Variants in SGCZ observed in about 807,000 individuals in gnomAD.
SGCZ encodes the protein sarcoglycan zeta.
Under a neutral mutation model 41.3 loss-of-function variants are expected in SGCZ, and 40 were observed. The ratio of observed to expected loss-of-function variants is 0.97; its 90% confidence interval spans 0.75 to 1.26. The LOEUF (loss-of-function observed/expected upper bound fraction) is 1.26. SGCZ is among the 50% of genes most tolerant of loss of function. SGCZ has a pLI of 0.00. For synonymous variants in SGCZ, 206 were observed against 137.5 expected (o/e 1.50, Z -3.49); for missense variants, 552 against 369.8 (o/e 1.49, Z -4.04).
rs542202061 is a variant in SGCZ, at chr8:15,170,463, C to G, written c.39+67122G>C. On this transcript the variant is annotated intron_variant, in intron 1 of 7. Coordinates refer to ENST00000382080, the MANE Select transcript of SGCZ (RefSeq NM_139167.4). ...CAACTTTCCACCCCTGCTTAGAGAC[C>G]AGCTTTCCACCTCTCAGAGACCATT... is the stretch of plus-strand genomic sequence containing the variant. Among the ~76,000 whole-genome samples the G allele has an allele frequency of 1.4e-3, 208 of 152,232 alleles. 1 individual carries two copies. Among genetic ancestry groups the G allele is most frequent in the African/African-American group, 4.7e-3 (195 of 41,536 alleles).
chr8:14,666,205 A>T (rs928067862), intron 1 of SGCZ, among the ~76,000 whole-genome samples: 1 of 152,192 alleles, frequency 6.6e-6, no homozygotes, highest in African/African-American at 2.4e-5. Context: ...CTCATGAAGC[A>T]TCCTATTACT....
chr8:14,711,482 G>A (rs1809513877), intron 1 of SGCZ, among the ~76,000 whole-genome samples: 1 of 148,882 alleles, frequency 6.7e-6, no homozygotes. Context: ...CATGCCTGTA[G>A]TCCCAGCTAC....
chr8:14,100,796 T>TATTAA (rs1303331223), intron 7 of SGCZ, among the ~76,000 whole-genome samples: 4 of 151,866 alleles, frequency 2.6e-5, no homozygotes, highest in African/African-American at 4.8e-5. Context: ...CTTTTGCCTG[T>TATTAA]ATTAAATTAT....
At chr8:14,368,150 G>T (rs1263254121) in intron 2 of SGCZ, among the ~76,000 whole-genome samples, 1 of 151,780 alleles carries the variant, frequency 6.6e-6, no homozygotes, top group Non-Finnish European at 1.5e-5. Flanking sequence ...GCTTCTAAAT[G>T]GTTCTTTCAA....
At chr8:14,833,351 A>G (rs1317563535) in intron 1 of SGCZ, among the ~76,000 whole-genome samples, 1 of 152,112 alleles carries the variant, frequency 6.6e-6, no homozygotes, top group East Asian at 1.9e-4. Context: ...GCGCACTGAA[A>G]TTCACATTTT....
chr8:14,502,575 T>C (rs1423894572), intron 2 of SGCZ, among the ~76,000 whole-genome samples: 1 of 151,772 alleles, frequency 6.6e-6, no homozygotes, highest in East Asian at 1.9e-4. Flanking sequence ...AGGGCTAATA[T>C]ACAGAATCTA....
At chr8:14,830,707 G>A (rs1322675366) in intron 1 of SGCZ, among the ~76,000 whole-genome samples, 1 of 152,026 alleles carries the variant, frequency 6.6e-6, no homozygotes, top group Non-Finnish European at 1.5e-5. Flanking sequence ...TGATTTATAT[G>A]TCATTATATT....
chr8:14,267,559 T>A (rs1287969721), intron 3 of SGCZ, among the ~76,000 whole-genome samples: 2 of 152,104 alleles, frequency 1.3e-5, no homozygotes, highest in Non-Finnish European at 2.9e-5. Context: ...AGTCTCATGA[T>A]GCTATTATGC....
At chr8:14,768,820 C>T (rs997602027) in intron 1 of SGCZ, among the ~76,000 whole-genome samples, 3 of 151,916 alleles carry the variant, frequency 2.0e-5, no homozygotes, top group South Asian at 2.1e-4. Flanking sequence ...CCATTTTAAC[C>T]ACTGTTCATG....
intron 1 of SGCZ, among the ~76,000 whole-genome samples, chr8:14,702,762 TAGATAGATAGATAGATAGAC>T (rs769572701): frequency 7.2e-4 from 98 of 136,786 alleles, no homozygotes; most frequent in South Asian, 1.0e-3. Flanking sequence ...GATAGATAGA[TAGATAGATAGATAGATAGAC>T]AGACAGACAG....
intron 1 of SGCZ, among the ~76,000 whole-genome samples, chr8:15,219,577 C>T (rs1055151572): frequency 6.6e-6 from 1 of 152,098 alleles, no homozygotes; most frequent in Admixed American, 6.5e-5. Flanking sequence ...GGATGCAGTA[C>T]ACTGTTCGTA....
chr8:14,088,500 T>A lies in SGCZ; in HGVS notation c.*1943A>T, dbSNP rs1269502253. On this transcript the variant is annotated 3_prime_UTR_variant, in exon 8 of 8. Coordinates refer to ENST00000382080, the MANE Select transcript of SGCZ (RefSeq NM_139167.4). ...ACATAATTTCTCAATATTTCTTGTA[T>A]TATACTTTATTTTGCAAAGACCAAT... is the stretch of plus-strand genomic sequence containing the variant. 1.3e-5 allele frequency among the ~76,000 whole-genome samples: 2 copies of A among 151,860 alleles called. No individual in the cohort carries two copies. Among genetic ancestry groups the A allele is most frequent in the South Asian group, 2.1e-4 (1 of 4,832 alleles).
At chr8:15,212,083 A>C (rs1801253541) in intron 1 of SGCZ, among the ~76,000 whole-genome samples, 1 of 152,172 alleles carries the variant, frequency 6.6e-6, no homozygotes, top group Non-Finnish European at 1.5e-5. Flanking sequence ...AAAATCTTTA[A>C]AGTTTCTCCT....
At chr8:15,095,732 C>T (rs1806324183) in intron 1 of SGCZ, among the ~76,000 whole-genome samples, 1 of 152,154 alleles carries the variant, frequency 6.6e-6, no homozygotes, top group Admixed American at 6.5e-5. Context: ...GCTAAAGTAA[C>T]ACAGTCGTGG....
chr8:14,836,324 T>C (rs1802700662), intron 1 of SGCZ, among the ~76,000 whole-genome samples: 1 of 152,214 alleles, frequency 6.6e-6, no homozygotes, highest in Admixed American at 6.5e-5. Context: ...AAATAATGTT[T>C]CTATCATAAG....
At chr8:14,611,882 A>T (rs1298198772) in intron 1 of SGCZ, among the ~76,000 whole-genome samples, 1 of 152,224 alleles carries the variant, frequency 6.6e-6, no homozygotes, top group Non-Finnish European at 1.5e-5. Flanking sequence ...CTTGTCACTC[A>T]TGAGCCATTG....
chr8:14,205,195 G>C (rs1805580426), intron 4 of SGCZ, among the ~76,000 whole-genome samples: 1 of 150,470 alleles, frequency 6.6e-6, no homozygotes, highest in African/African-American at 2.5e-5. Flanking sequence ...ACTTCTTAAA[G>C]AGAATCACTC....
chr8:15,167,727 T>C (rs750533288), intron 1 of SGCZ, among the ~76,000 whole-genome samples: 3 of 152,190 alleles, frequency 2.0e-5, no homozygotes, highest in Admixed American at 6.5e-5. Flanking sequence ...TTCAAACTTA[T>C]ATATTTGTCA....
chr8:14,355,345 T>C (rs1803255974), intron 2 of SGCZ, among the ~76,000 whole-genome samples: 1 of 152,254 alleles, frequency 6.6e-6, no homozygotes, highest in South Asian at 2.1e-4. Context: ...AATTTAATTG[T>C]TAATCATGTC....
Sources: allele counts gnomAD v4.1 joint callset (sites outside exome capture counted in the v4.1 genomes callset), GRCh38; gene constraint gnomAD v4.1.1; transcripts MANE v1.5; gene names NCBI Gene and HGNC (gene_info 2026-07-23, HGNC 2026-07-21).